IPO9: variants seen among roughly 807,000 people sequenced by gnomAD.
IPO9 encodes the protein importin-9.
In IPO9, 28 loss-of-function variants were observed where a neutral mutation model predicts 128.6. That is an observed-to-expected ratio of 0.22 (90% confidence interval 0.16 to 0.30). The LOEUF is 0.30. IPO9 is among the 10% of genes least tolerant of loss of function. IPO9 has a pLI of 1.00. For synonymous variants in IPO9, 455 were observed against 475.8 expected, an observed-to-expected ratio of 0.96 and a Z score of 0.57; for missense variants, 935 against 1,293.9, an observed-to-expected ratio of 0.72 and a Z score of 4.26.
At chr1:201,852,976 G>A (rs755257524) in intron 5 of IPO9, 35 bp from the exon 6 acceptor site, 12 of 1,548,578 alleles carry the variant, frequency 7.7e-6, no homozygotes, top group Middle Eastern at 3.4e-4. Flanking sequence ...CTCCAGTCTC[G>A]TGGCTATGCT....
intron 16 of IPO9, 46 bp from the exon 17 acceptor site, chr1:201,869,544 C>G: frequency 6.2e-7 from 1 of 1,605,244 alleles, no homozygotes; most frequent in Non-Finnish European, 8.5e-7. Flanking sequence ...TGGGCAACCC[C>G]CACCCCAGAG....
chr1:201,849,703 G>A (rs1571544387), intron 4 of IPO9, among the ~76,000 whole-genome samples: 1 of 152,102 alleles, frequency 6.6e-6, no homozygotes, highest in East Asian at 1.9e-4. Context: ...GTTTCAAAAT[G>A]ACCTCTTCTC....
rs1025429019 is a variant in IPO9 at position 201,829,167 on chromosome 1, G to A, written c.-43G>A. ...CCGCGCGCGGGGGCCGTCATTCGGT[G>A]GCGGGTCCCGGCCGCGGGGCTGGCG... On this transcript the variant is annotated 5_prime_UTR_variant, in exon 1 of 24. Transcript: ENST00000361565. 23 of 1,430,168 alleles carry A rather than the reference G, an allele frequency of 1.6e-5. No individual in the cohort carries two copies. The highest frequency in any genetic ancestry group is 2.1e-5 in the Non-Finnish European group (23 of 1,093,742). The allele number at this position is 1,430,168 out of a possible 1,614,324, so 88.6% of individuals were successfully genotyped here.
intron 4 of IPO9, among the ~76,000 whole-genome samples, chr1:201,848,814 C>T (rs531027861): frequency 2.0e-5 from 3 of 152,324 alleles, no homozygotes; most frequent in African/African-American, 7.2e-5. Flanking sequence ...CTACCACTTA[C>T]AGATACAGTA....
At chr1:201,833,738 A>G (rs1679878123) in intron 1 of IPO9, among the ~76,000 whole-genome samples, 1 of 152,160 alleles carries the variant, frequency 6.6e-6, no homozygotes, top group African/African-American at 2.4e-5. Flanking sequence ...TTTGGAAGTT[A>G]TTATGGTGTA....
At chr1:201,847,692 GA>G (rs1680146430) in intron 3 of IPO9, 54 bp downstream of exon 3, 1 of 1,197,920 alleles carries the variant, frequency 8.3e-7, no homozygotes, top group Non-Finnish European at 1.2e-6. Context: ...TCCATTTTAA[GA>G]GATTAGACTA....
At chr1:201,857,863 G>A (rs1273786428) in intron 11 of IPO9, among the ~76,000 whole-genome samples, 1 of 150,544 alleles carries the variant, frequency 6.6e-6, no homozygotes, top group Non-Finnish European at 1.5e-5. Flanking sequence ...ACAGACAAAA[G>A]GTTGGCAAAC....
At chr1:201,871,074 A>C (rs1680642071) in intron 18 of IPO9, 87 bp from the exon 19 acceptor site, 1 of 1,382,994 alleles carries the variant, frequency 7.2e-7, no homozygotes, top group Non-Finnish European at 1.0e-6. Context: ...TGTAGACTGT[A>C]TTTCTTATCT....
intron 1 of IPO9, among the ~76,000 whole-genome samples, chr1:201,845,209 T>G (rs985915616): frequency 7.2e-5 from 11 of 152,158 alleles, no homozygotes; most frequent in African/African-American, 2.7e-4. Context: ...AGAGACGGGA[T>G]TTCTCCATGT....
In IPO9 at chr1:201,866,936, C is replaced by T; in HGVS notation, c.1832C>T (p.Ala611Val). 6.2e-7 allele frequency: 1 copy of T among 1,614,014 alleles called. No individual in the cohort carries two copies. The highest frequency in any genetic ancestry group is 1.7e-5 in the Admixed American group (1 of 60,006). ...AGCAAAATCTGCCCCTTCACCATCGCCATTTTCCTAAAGTACAGTAATGGT... is the reference window on the plus strand; with the variant it reads ...AGCAAAATCTGCCCCTTCACCATCGTCATTTTCCTAAAGTACAGTAATGGT... ...MESKICPFTIAIFLKYSNDPV... is the reference protein window; with the variant it reads ...MESKICPFTIVIFLKYSNDPV... The change falls in exon 15 of 24, where the codon GCC becomes GTC. Residue 611 changes from alanine (A) to valine (V), a missense_variant. Around this residue, in one of 3 missense-constraint regions of IPO9, gnomAD observed 741 missense variants for 1,019.1 expected, o/e 0.73. Transcript: ENST00000361565.
intron 20 of IPO9, among the ~76,000 whole-genome samples, chr1:201,873,856 T>C (rs530070230): frequency 3.9e-5 from 6 of 152,346 alleles, no homozygotes; most frequent in African/African-American, 1.4e-4. Context: ...CTGAGTTGCC[T>C]TTGGCCTGTA....
intron 3 of IPO9, 105 bp downstream of exon 3, chr1:201,847,743 C>A: frequency 1.2e-6 from 1 of 805,332 alleles, no homozygotes; most frequent in Non-Finnish European, 2.1e-6. Context: ...AAAGACTAGG[C>A]AGAAAAGGAG....
chr1:201,842,881 G>A (rs907082817), intron 1 of IPO9, among the ~76,000 whole-genome samples: 2 of 152,186 alleles, frequency 1.3e-5, no homozygotes, highest in African/African-American at 4.8e-5. Flanking sequence ...CATTTCATGA[G>A]TTTGATATAA....
chr1:201,878,761 AAG>A lies in IPO9; in HGVS notation c.*2710_*2711del, dbSNP rs1286983755. ...ATATTCCCATTCTGTTGATGAGAAA[AAG>A]AGTGGAGAGACTGTGTCCAGTGTCA... On this transcript the variant is annotated 3_prime_UTR_variant, in exon 24 of 24. Coordinates refer to ENST00000361565, the MANE Select transcript of IPO9 (RefSeq NM_018085.5). The A allele has an allele frequency of 4.6e-5, 7 of 152,170 alleles. No individual in the cohort carries two copies. Among genetic ancestry groups the A allele is most frequent in the Admixed American group, 1.3e-4 (2 of 15,286 alleles). The allele number at this position is 152,170 out of a possible 1,614,324, so 9.4% of individuals were successfully genotyped here. A position where few individuals can be genotyped will look rare whatever the true frequency, so the allele number is the denominator to read the frequency against.
chr1:201,858,046 A>C (rs1445824500), intron 11 of IPO9, among the ~76,000 whole-genome samples: 1 of 152,184 alleles, frequency 6.6e-6, no homozygotes, highest in Non-Finnish European at 1.5e-5. Flanking sequence ...ATCACTTCTC[A>C]TTATCATTTA....
chr1:201,874,222 G>T, intron 20 of IPO9, 28 bp from the exon 21 acceptor site: 1 of 1,612,472 alleles, frequency 6.2e-7, no homozygotes, highest in South Asian at 1.1e-5. Context: ...GTGACACTCT[G>T]ACTTGAAACC....
In IPO9 at chr1:201,852,149, C is replaced by T; in HGVS notation, c.560C>T (p.Pro187Leu). Reference protein sequence around the residue: ...VTDTQMPLVAPVILPEMYKIF... With the variant: ...VTDTQMPLVALVILPEMYKIF... ...GACACACAGATGCCACTTGTTGCTC[C>T]TGTCATTCTCCCAGAGATGTATAAG... Residue 187 changes from proline (P) to leucine (L), a missense_variant, in exon 5 of 24, where the codon CCT becomes CTT. Physicochemically the swap from Pro to Leu is moderately conservative, Grantham distance 98. Coordinates refer to ENST00000361565, the MANE Select transcript of IPO9 (RefSeq NM_018085.5). 1 of 1,613,340 alleles carries T rather than the reference C, an allele frequency of 6.2e-7. No individual in the cohort carries two copies. Among genetic ancestry groups the T allele is most frequent in the Non-Finnish European group, 8.5e-7 (1 of 1,179,414 alleles).
chr1:201,853,384 C>T (rs761266961), intron 6 of IPO9, among the ~76,000 whole-genome samples: 4 of 151,980 alleles, frequency 2.6e-5, no homozygotes, highest in Non-Finnish European at 4.4e-5. Flanking sequence ...TGCACCACCA[C>T]ACTTGGCTGA....
Position 201,857,148 on chromosome 1 carries a change from A to T in IPO9, c.1175A>T (p.Asp392Val), listed in dbSNP as rs1362734516. The T allele has an allele frequency of 1.2e-6, 2 of 1,613,464 alleles. No individual in the cohort carries two copies. The change falls in exon 11 of 24, where the codon GAT becomes GTT. Residue 392 changes from aspartate to valine, a missense_variant. Physicochemically the swap from Asp to Val is radical, Grantham distance 152. This residue lies in a region of IPO9 where 741 missense variants were observed against 1,019.1 expected (regional missense o/e 0.73). Transcript: ENST00000361565. ...PQQFVEDEDD[D>V]TFSYTVRIAA... Reference sequence around the variant, plus strand: ...CAATTTGTAGAAGATGAAGATGATGATACATTCTCCTATACTGTTAGAATA... The same window carrying T: ...CAATTTGTAGAAGATGAAGATGATGTTACATTCTCCTATACTGTTAGAATA...
Sources: allele counts gnomAD v4.1 joint callset (sites outside exome capture counted in the v4.1 genomes callset), GRCh38; gene constraint gnomAD v4.1.1; regional missense constraint gnomAD v4.1.1; transcripts MANE v1.5; gene names NCBI Gene and HGNC (gene_info 2026-07-23, HGNC 2026-07-21).